BANK1: variants seen among roughly 807,000 people sequenced by gnomAD.
BANK1 encodes the protein B-cell scaffold protein with ankyrin repeats.
Under a neutral mutation model 94.5 loss-of-function variants are expected in BANK1, and 95 were observed. The ratio of observed to expected loss-of-function variants is 1.00; its 90% confidence interval spans 0.85 to 1.19. BANK1 has a LOEUF of 1.19. BANK1 is among the 50% of genes most tolerant of loss of function. The probability of loss-of-function intolerance (pLI) is 0.00; values close to 1 mark genes in which losing one functional copy is unlikely to be tolerated. For synonymous variants in BANK1, 334 were observed against 308.4 expected (o/e 1.08, Z -0.87); for missense variants, 987 against 932.2 (o/e 1.06, Z -0.77).
intron 7 of BANK1, among the ~76,000 whole-genome samples, chr4:102,018,093 T>C (rs1726772927): frequency 6.6e-6 from 1 of 152,204 alleles, no homozygotes; most frequent in Non-Finnish European, 1.5e-5. Context: ...TCTCCTATAA[T>C]GTGCCCTTCA....
intron 15 of BANK1, among the ~76,000 whole-genome samples, chr4:102,072,838 T>C (rs147362234): frequency 1.4e-3 from 215 of 152,246 alleles, no homozygotes; most frequent in African/African-American, 4.9e-3. Flanking sequence ...TGAAAATAAA[T>C]TGCTAACGAG....
chr4:102,012,391 T>A (rs560503716), intron 7 of BANK1, among the ~76,000 whole-genome samples: 2 of 28,098 alleles, frequency 7.1e-5, no homozygotes, highest in African/African-American at 1.1e-3. Flanking sequence ...AACACTTTGG[T>A]CAATAAAAAA....
chr4:101,963,930 C>A (rs1191647381), intron 7 of BANK1, among the ~76,000 whole-genome samples: 9 of 152,000 alleles, frequency 5.9e-5, no homozygotes, highest in Non-Finnish European at 1.3e-4. Flanking sequence ...ATCTTAACAT[C>A]ATTTTAGTTT....
At chr4:101,951,781 T>C (rs1387354992) in intron 7 of BANK1, among the ~76,000 whole-genome samples, 1 of 152,076 alleles carries the variant, frequency 6.6e-6, no homozygotes, top group African/African-American at 2.4e-5. Context: ...CCTTCAGCCA[T>C]GTAGCTTAAA....
chr4:101,818,320 G>A (rs1726000326), intron 1 of BANK1, among the ~76,000 whole-genome samples: 1 of 152,128 alleles, frequency 6.6e-6, no homozygotes, highest in African/African-American at 2.4e-5. Flanking sequence ...TAGGCTAGTT[G>A]ATTTGCTCCA....
intron 11 of BANK1, among the ~76,000 whole-genome samples, chr4:102,046,485 A>G (rs1172526351): frequency 2.0e-5 from 3 of 152,220 alleles, no homozygotes; most frequent in Non-Finnish European, 2.9e-5. Context: ...TCTAAGATGC[A>G]TCAGAGGCTG....
chr4:101,909,374 A>T (rs1035982634), intron 6 of BANK1, among the ~76,000 whole-genome samples: 15 of 152,160 alleles, frequency 9.9e-5, no homozygotes, highest in African/African-American at 3.6e-4. Flanking sequence ...GAGGAACATC[A>T]CACACCGGGG....
At chr4:101,941,738 T>A (rs987746508) in intron 7 of BANK1, among the ~76,000 whole-genome samples, 20 of 130,986 alleles carry the variant, frequency 1.5e-4, no homozygotes, top group Admixed American at 1.6e-4. Flanking sequence ...TTCAGATGTG[T>A]GTGTACACAC....
chr4:101,907,853 G>A (rs1164430592), intron 6 of BANK1, among the ~76,000 whole-genome samples: 20 of 152,188 alleles, frequency 1.3e-4, no homozygotes, highest in Non-Finnish European at 2.9e-5. Context: ...TACAAGGGAT[G>A]TGAAGGACCT....
At chr4:101,802,575 A>G (rs533074076) in intron 1 of BANK1, among the ~76,000 whole-genome samples, 1 of 152,290 alleles carries the variant, frequency 6.6e-6, no homozygotes, top group East Asian at 1.9e-4. Context: ...TTCTGCTTTC[A>G]CTAAGGATGT....
At chr4:102,013,233 G>T (rs746188620) in intron 7 of BANK1, among the ~76,000 whole-genome samples, 1 of 151,832 alleles carries the variant, frequency 6.6e-6, no homozygotes, top group East Asian at 1.9e-4. Context: ...TCAATTATTC[G>T]CTATTCTCTT....
In BANK1 at chr4:101,908,403, A is replaced by T. The variant is rs906540233; in HGVS notation, c.1010-9590A>T. 4.6e-5 allele frequency among the ~76,000 whole-genome samples: 7 copies of T among 152,334 alleles called. No homozygotes were observed. In the East Asian group the frequency reaches 1.2e-3, roughly 25 times the overall value. Reference sequence around the variant, plus strand: ...TTCCTTATACCTTATACAAAAATTAAATCAAGATGGATTAAAGACTTAAAT... The same window carrying T: ...TTCCTTATACCTTATACAAAAATTATATCAAGATGGATTAAAGACTTAAAT... On this transcript the variant is annotated intron_variant, in intron 6 of 16. Coordinates refer to ENST00000322953, the MANE Select transcript of BANK1 (RefSeq NM_017935.5).
chr4:102,055,122 G>A (rs1240438285), intron 11 of BANK1, among the ~76,000 whole-genome samples: 1 of 151,984 alleles, frequency 6.6e-6, no homozygotes, highest in African/African-American at 2.4e-5. Context: ...CTAGACTAAT[G>A]ACCAAGGAAT....
intron 4 of BANK1, among the ~76,000 whole-genome samples, chr4:101,866,382 T>C (rs1442055265): frequency 6.6e-6 from 1 of 152,090 alleles, no homozygotes; most frequent in East Asian, 1.9e-4. Context: ...GTGGGATGAT[T>C]TCAGAAGGTC....
chr4:101,911,723 G>A (rs1578394347), intron 6 of BANK1, among the ~76,000 whole-genome samples: 1 of 152,210 alleles, frequency 6.6e-6, no homozygotes, highest in South Asian at 2.1e-4. Context: ...AGATTGTCAT[G>A]GTTTTGTTTT....
chr4:101,922,533 A>G (rs180714754), intron 7 of BANK1, among the ~76,000 whole-genome samples: 7 of 151,934 alleles, frequency 4.6e-5, no homozygotes, highest in African/African-American at 7.2e-5. Flanking sequence ...TTGGTGTCCA[A>G]TTGAAAGACT....
intron 7 of BANK1, among the ~76,000 whole-genome samples, chr4:101,997,920 G>A (rs910907946): frequency 6.6e-6 from 1 of 152,002 alleles, no homozygotes; most frequent in African/African-American, 2.4e-5. Flanking sequence ...ATCTCCTTCA[G>A]TTCTGCTCTG....
chr4:101,896,275 G>A (rs1472767830), intron 6 of BANK1, among the ~76,000 whole-genome samples: 2 of 151,912 alleles, frequency 1.3e-5, no homozygotes, highest in African/African-American at 4.8e-5. Flanking sequence ...CTGAAGTAGA[G>A]ATGTAATGGT....
chr4:102,055,328 T>C (rs1728188984), intron 11 of BANK1, among the ~76,000 whole-genome samples: 1 of 152,006 alleles, frequency 6.6e-6, no homozygotes, highest in South Asian at 2.1e-4. Flanking sequence ...CAACTATTCA[T>C]AATTTTTAAA....
Sources: gnomAD v4.1 joint callset for allele counts (sites outside exome capture counted in the v4.1 genomes callset) on GRCh38, gnomAD v4.1.1 for gene constraint, MANE v1.5 for transcripts, NCBI Gene and HGNC (gene_info 2026-07-23, HGNC 2026-07-21) for gene names.